ARID4B: variants seen among roughly 807,000 people sequenced by gnomAD.
ARID4B encodes AT-rich interactive domain-containing protein 4B.
ARID4B carries 26 observed loss-of-function variants against 147.5 expected under a neutral mutation model. The ratio of observed to expected loss-of-function variants is 0.18; its 90% confidence interval spans 0.13 to 0.24. The LOEUF (loss-of-function observed/expected upper bound fraction) is 0.24. Ranked by LOEUF, ARID4B falls within the 10% of genes least tolerant of loss-of-function variation. The pLI is 1.00. For missense variants in ARID4B, 1,179 were observed against 1,511.5 expected (o/e 0.78, Z 3.65); for synonymous variants, 512 against 507.9 (o/e 1.01, Z -0.11).
intron 2 of ARID4B, among the ~76,000 whole-genome samples, chr1:235,287,153 G>A (rs1333099679): frequency 6.6e-6 from 1 of 152,186 alleles, no homozygotes; most frequent in Non-Finnish European, 1.5e-5. Flanking sequence ...CAGACACTCA[G>A]GAGGCTGAGG....
intron 8 of ARID4B, among the ~76,000 whole-genome samples, chr1:235,238,102 C>T (rs548093420): frequency 1.4e-5 from 2 of 144,634 alleles, no homozygotes; most frequent in South Asian, 2.2e-4. Flanking sequence ...GAGATCGCAC[C>T]ATTGCACTCC....
chr1:235,297,589 A>C (rs757976657), intron 2 of ARID4B, among the ~76,000 whole-genome samples: 2 of 152,204 alleles, frequency 1.3e-5, no homozygotes, highest in Non-Finnish European at 1.5e-5. Flanking sequence ...TAAGAACTTT[A>C]TAAAGGATAG....
intron 22 of ARID4B, among the ~76,000 whole-genome samples, chr1:235,173,161 T>C (rs1375535471): frequency 6.6e-6 from 1 of 152,084 alleles, no homozygotes; most frequent in Non-Finnish European, 1.5e-5. Flanking sequence ...CTGGCCAAGA[T>C]GGTGAAACCC....
At chr1:235,294,587 C>T (rs1405149607) in intron 2 of ARID4B, among the ~76,000 whole-genome samples, 1 of 117,838 alleles carries the variant, frequency 8.5e-6, no homozygotes. Flanking sequence ...CCCGCTTGAA[C>T]CCAGGGGTTC....
intron 2 of ARID4B, among the ~76,000 whole-genome samples, chr1:235,315,555 A>C (rs1326184802): frequency 6.6e-6 from 1 of 152,240 alleles, no homozygotes; most frequent in African/African-American, 2.4e-5. Context: ...TTGTAACTTA[A>C]AAGTGATATA....
chr1:235,309,194 C>G (rs1558302778), intron 2 of ARID4B, among the ~76,000 whole-genome samples: 1 of 151,288 alleles, frequency 6.6e-6, no homozygotes, highest in Non-Finnish European at 1.5e-5. Context: ...AGGAGCGTCT[C>G]TGCCCGGCCG....
At chr1:235,223,492 A>C (rs1667634410) in intron 12 of ARID4B, among the ~76,000 whole-genome samples, 1 of 149,488 alleles carries the variant, frequency 6.7e-6, no homozygotes, top group Admixed American at 6.7e-5. Context: ...GCCCATGGCC[A>C]CTTTAAAATT....
chr1:235,215,867 G>A (rs933101632), intron 16 of ARID4B, among the ~76,000 whole-genome samples: 1 of 151,474 alleles, frequency 6.6e-6, no homozygotes, highest in Non-Finnish European at 1.5e-5. Flanking sequence ...GGGATTATAG[G>A]TGTGAGCCAC....
At chr1:235,314,357 C>T (rs1674282983) in intron 2 of ARID4B, among the ~76,000 whole-genome samples, 1 of 152,162 alleles carries the variant, frequency 6.6e-6, no homozygotes, top group African/African-American at 2.4e-5. Context: ...TTCATATTTA[C>T]ACAACTTTAC....
intron 3 of ARID4B, among the ~76,000 whole-genome samples, chr1:235,259,905 G>A (rs1386541711): frequency 2.0e-5 from 3 of 152,146 alleles, no homozygotes; most frequent in African/African-American, 7.2e-5. Context: ...TAAATTCCTT[G>A]AGGACAGATC....
chr1:235,219,800 T>C lies in ARID4B; in HGVS notation c.1576A>G (p.Lys526Glu). ...CAAAAACAATTTTCTTACCCAGATTTTGCTTTTTCTTCCTCAGCTTCTACC... is the reference window on the plus strand; with the variant it reads ...CAAAAACAATTTTCTTACCCAGATTCTGCTTTTTCTTCCTCAGCTTCTACC... Reference protein sequence around the residue: ...IKVEAEEEKAKSGDETNKEED... With the variant: ...IKVEAEEEKAESGDETNKEED... The change falls in exon 16 of 24, where the codon AAA (lysine) becomes GAA (glutamate). Residue 526 changes from lysine (K) to glutamate (E), a missense_variant. Physicochemically the swap from Lys to Glu is moderately conservative, Grantham distance 56. This residue lies in a region of ARID4B where 204 missense variants were observed against 210.9 expected (regional missense o/e 0.97). Coordinates refer to ENST00000264183, the MANE Select transcript of ARID4B (RefSeq NM_016374.6). 6.3e-7 allele frequency: 1 copy of C among 1,596,550 alleles called. No homozygotes were observed. Among genetic ancestry groups the C allele is most frequent in the South Asian group, 1.2e-5 (1 of 86,476 alleles).
At chr1:235,213,203 G>T (rs1053639275) in intron 17 of ARID4B, among the ~76,000 whole-genome samples, 11 of 152,238 alleles carry the variant, frequency 7.2e-5, no homozygotes, top group Admixed American at 5.9e-4. Flanking sequence ...CAGTCAAAAA[G>T]TGCATTCTAT....
At chr1:235,288,582 C>T (rs1439292899) in intron 2 of ARID4B, among the ~76,000 whole-genome samples, 1 of 152,142 alleles carries the variant, frequency 6.6e-6, no homozygotes, top group Non-Finnish European at 1.5e-5. Context: ...TGTGCTATAA[C>T]CATTGTAGGA....
chr1:235,220,067 A>G lies in ARID4B; in HGVS notation c.1408-99T>C, dbSNP rs1168605547. The G allele has an allele frequency of 3.5e-6, 3 of 852,840 alleles. No homozygotes were observed. In the African/African-American group the frequency reaches 5.3e-5, roughly 15 times the overall value. The allele number at this position is 852,840 out of a possible 1,614,324, so 52.8% of individuals were successfully genotyped here. A position where few individuals can be genotyped will look rare whatever the true frequency, so the allele number is the denominator to read the frequency against. On this transcript the variant is annotated intron_variant, in intron 15 of 23. Coordinates refer to ENST00000264183, the MANE Select transcript of ARID4B (RefSeq NM_016374.6). ...CAACAGGAGGTATCAACCAATTCTA[A>G]TATTAAAAGTTATAAATTACTTTTA... is the stretch of plus-strand genomic sequence containing the variant.
intron 16 of ARID4B, among the ~76,000 whole-genome samples, chr1:235,218,773 CATTTTTT>C (rs1667252878): frequency 6.6e-6 from 1 of 151,674 alleles, no homozygotes; most frequent in South Asian, 2.1e-4. Context: ...GTATAATAAA[CATTTTTT>C]ACTATATTCA....
At chr1:235,327,115 G>A (rs1213508022) in intron 1 of ARID4B, 147 bp from the exon 2 acceptor site, 2 of 604,670 alleles carry the variant, frequency 3.3e-6, no homozygotes, top group East Asian at 2.9e-5. Context: ...ACGCCGACTC[G>A]GGGCTCCCTC....
intron 2 of ARID4B, among the ~76,000 whole-genome samples, chr1:235,263,563 G>C (rs1670416771): frequency 6.6e-6 from 1 of 152,120 alleles, no homozygotes; most frequent in Admixed American, 6.5e-5. Context: ...GTGTTGACGG[G>C]AGAAGGGTAT....
At chr1:235,224,020 G>C (rs1026574439) in intron 12 of ARID4B, among the ~76,000 whole-genome samples, 2 of 152,094 alleles carry the variant, frequency 1.3e-5, no homozygotes, top group African/African-American at 4.8e-5. Context: ...GTTAGGCGTT[G>C]TTATCATTTA....
intron 1 of ARID4B, chr1:235,327,190 G>A: frequency 4.6e-6 from 2 of 433,812 alleles, no homozygotes; most frequent in Non-Finnish European, 8.4e-6. Context: ...CCCCATTGTC[G>A]AGACCCGACG....
Sources: gnomAD v4.1 joint callset for allele counts (sites outside exome capture counted in the v4.1 genomes callset) on GRCh38, gnomAD v4.1.1 for gene constraint, gnomAD v4.1.1 regional missense constraint, MANE v1.5 for transcripts, NCBI Gene and HGNC (gene_info 2026-07-23, HGNC 2026-07-21) for gene names.